The following ZNF676 variants were observed in gnomAD, a reference collection of about 807,000 sequenced individuals.
ZNF676 encodes zinc finger protein 676.
ZNF676 carries 4 observed loss-of-function variants against 6.0 expected under a neutral mutation model. That is an observed-to-expected ratio of 0.67 (90% confidence interval 0.33 to 1.53). ZNF676 has a LOEUF of 1.53. Ranked by LOEUF, ZNF676 falls within the 40% of genes most tolerant of loss-of-function variation. The pLI, the probability that ZNF676 is intolerant of heterozygous loss-of-function variation, is 0.06. For missense variants in ZNF676, 644 were observed against 679.7 expected (o/e 0.95, Z 0.58); for synonymous variants, 198 against 223.1 (o/e 0.89, Z 1.00).
intron 1 of ZNF676, among the ~76,000 whole-genome samples, chr19:22,213,832 C>G (rs909616589): frequency 1.3e-5 from 2 of 152,110 alleles, no homozygotes; most frequent in African/African-American, 4.8e-5. Flanking sequence ...CTTGGTTTTT[C>G]CCCAGACAGT....
the ZNF676 span, among the ~76,000 whole-genome samples, chr19:22,251,333 T>A: frequency 4.1e-4 from 62 of 152,272 alleles, no homozygotes; most frequent in African/African-American, 1.4e-3. Context: ...GAGAAAAAAA[T>A]CATGTTTCAA....
At chr19:22,230,525 AAG>A in the ZNF676 span, among the ~76,000 whole-genome samples, 7 of 151,922 alleles carry the variant, frequency 4.6e-5, no homozygotes, top group African/African-American at 1.2e-4. Flanking sequence ...AAGAATGCTG[AAG>A]AGTTTCTTTT....
intron 2 of ZNF676, among the ~76,000 whole-genome samples, chr19:22,182,482 C>T (rs1474700663): frequency 6.9e-6 from 1 of 145,016 alleles, no homozygotes; most frequent in Non-Finnish European, 1.5e-5. Context: ...ACACAAAAGA[C>T]TATAGAAAAT....
At chr19:22,182,783 A>C (rs1276903962) in intron 2 of ZNF676, among the ~76,000 whole-genome samples, 1 of 151,650 alleles carries the variant, frequency 6.6e-6, no homozygotes, top group Non-Finnish European at 1.5e-5. Flanking sequence ...AAAATAACAT[A>C]ATGTAAGAAA....
intron 1 of ZNF676, among the ~76,000 whole-genome samples, chr19:22,210,598 T>G (rs1206322801): frequency 6.6e-6 from 1 of 152,170 alleles, no homozygotes; most frequent in Non-Finnish European, 1.5e-5. Flanking sequence ...ATTAATAAAA[T>G]TCTCTATCCT....
the ZNF676 span, chr19:22,244,733 G>T: frequency 6.6e-6 from 1 of 152,222 alleles, no homozygotes; most frequent in Non-Finnish European, 1.5e-5. Context: ...GATGCAGGCA[G>T]AAAAAGAGTC....
chr19:22,199,241 AATG>A (rs750210845), upstream of ZNF676, among the ~76,000 whole-genome samples: 3 of 152,212 alleles, frequency 2.0e-5, no homozygotes, highest in Non-Finnish European at 2.9e-5. Flanking sequence ...CGCTGTCAAT[AATG>A]ATGTTGCTCC....
chr19:22,188,414 G>A (rs1223758705), intron 2 of ZNF676, among the ~76,000 whole-genome samples: 1 of 152,104 alleles, frequency 6.6e-6, no homozygotes, highest in Admixed American at 6.5e-5. Context: ...CATACTGAAT[G>A]GGCAAAACTG....
chr19:22,251,003 T>C, the ZNF676 span, among the ~76,000 whole-genome samples: 1 of 152,190 alleles, frequency 6.6e-6, no homozygotes, highest in African/African-American at 2.4e-5. Context: ...TGAGCCACTA[T>C]GCCTGGCCAG....
chr19:22,223,012 A>T, the ZNF676 span, among the ~76,000 whole-genome samples: 3 of 152,190 alleles, frequency 2.0e-5, no homozygotes, highest in South Asian at 6.2e-4. Flanking sequence ...TAAACTGTGG[A>T]TTGGAGTTAG....
Position 22,179,923 on chromosome 19 carries a change from G to A in ZNF676, c.*27C>T, listed in dbSNP as rs761415608. Reference sequence around the variant, plus strand: ...ATGTTTACTAGACTGAGAATCAGCTGAAGGATTTACCACATTCTTCACATT... The same window carrying A: ...ATGTTTACTAGACTGAGAATCAGCTAAAGGATTTACCACATTCTTCACATT... On this transcript the variant is annotated 3_prime_UTR_variant, in exon 3 of 3. Transcript: ENST00000397121. 1 of 1,601,038 alleles carries A rather than the reference G, an allele frequency of 6.2e-7. No homozygotes were observed. Among genetic ancestry groups the A allele is most frequent in the Non-Finnish European group, 8.5e-7 (1 of 1,171,208 alleles).
the ZNF676 span, chr19:22,244,421 A>G: frequency 6.6e-6 from 1 of 152,332 alleles, no homozygotes; most frequent in East Asian, 1.9e-4. Context: ...AATACAAGAG[A>G]CACTATCTCC....
At chr19:22,194,429 TG>T (rs2144765479) in intron 1 of ZNF676, among the ~76,000 whole-genome samples, 1 of 152,290 alleles carries the variant, frequency 6.6e-6, no homozygotes, top group Non-Finnish European at 1.5e-5. Context: ...TGAATTTCAT[TG>T]TTCTACAATG....
chr19:22,216,396 T>C (rs1004437939), upstream of ZNF676, among the ~76,000 whole-genome samples: 6 of 151,970 alleles, frequency 3.9e-5, no homozygotes, highest in Middle Eastern at 6.8e-3. Flanking sequence ...GATCAAGCCA[T>C]TGCACTGCGG....
the ZNF676 span, among the ~76,000 whole-genome samples, chr19:22,239,788 C>G: frequency 3.3e-5 from 5 of 152,130 alleles, no homozygotes; most frequent in African/African-American, 1.2e-4. Context: ...AGAAGAGGCA[C>G]ATTATGTAGA....
the ZNF676 span, among the ~76,000 whole-genome samples, chr19:22,231,672 G>A: frequency 6.7e-6 from 1 of 150,358 alleles, no homozygotes; most frequent in South Asian, 2.1e-4. Flanking sequence ...GTGTGATCTT[G>A]GCTCACTGCA....
chr19:22,250,194 A>T, the ZNF676 span, among the ~76,000 whole-genome samples: 1 of 152,008 alleles, frequency 6.6e-6, no homozygotes, highest in Non-Finnish European at 1.5e-5. Flanking sequence ...AAAAAAAAAA[A>T]AGAAAAAACT....
chr19:22,197,152 G>A (rs550668939), upstream of ZNF676, among the ~76,000 whole-genome samples: 60 of 151,936 alleles, frequency 3.9e-4, no homozygotes, highest in South Asian at 6.2e-4. Context: ...GTGAAACCCC[G>A]TCTCTACTAA....
At chr19:22,236,139 G>A in the ZNF676 span, among the ~76,000 whole-genome samples, 1 of 151,718 alleles carries the variant, frequency 6.6e-6, no homozygotes, top group African/African-American at 2.4e-5. Flanking sequence ...ATGCAATATT[G>A]GTTTTGATTT....
Sources: allele counts gnomAD v4.1 joint callset (sites outside exome capture counted in the v4.1 genomes callset), GRCh38; gene constraint gnomAD v4.1.1; transcripts MANE v1.5; gene names NCBI Gene and HGNC (gene_info 2026-07-23, HGNC 2026-07-21).